CDKAL1: variants seen among roughly 807,000 people sequenced by gnomAD.
CDKAL1 encodes CDKAL1 threonylcarbamoyladenosine tRNA methylthiotransferase, also known as threonylcarbamoyladenosine tRNA methylthiotransferase.
In CDKAL1, 32 loss-of-function variants were observed where a neutral mutation model predicts 68.2. The observed-to-expected ratio is 0.47, with a 90% CI of 0.35 to 0.63. The LOEUF (loss-of-function observed/expected upper bound fraction) is 0.63. Ranked by LOEUF, CDKAL1 falls within the 30% of genes least tolerant of loss-of-function variation. The pLI is 0.00. For synonymous variants in CDKAL1, 234 were observed against 244.3 expected (o/e 0.96, Z 0.39); for missense variants, 606 against 696.7 (o/e 0.87, Z 1.47).
chr6:20,918,305 G>T (rs1031177932), intron 9 of CDKAL1, among the ~76,000 whole-genome samples: 1 of 152,164 alleles, frequency 6.6e-6, no homozygotes, highest in Non-Finnish European at 1.5e-5. Context: ...CCAGTCTAAG[G>T]TATTTTATTA....
intron 13 of CDKAL1, among the ~76,000 whole-genome samples, chr6:21,169,621 A>G (rs754131044): frequency 6.6e-6 from 1 of 152,184 alleles, no homozygotes; most frequent in Non-Finnish European, 1.5e-5. Context: ...TGGGTGACAG[A>G]GCGAGACTCT....
intron 7 of CDKAL1, among the ~76,000 whole-genome samples, chr6:20,772,562 A>G (rs747463434): frequency 1.3e-5 from 2 of 152,252 alleles, no homozygotes; most frequent in Non-Finnish European, 2.9e-5. Context: ...CATTTTGCTT[A>G]TGCAGATTAC....
chr6:21,067,945 TGTTA>T (rs1362658077), intron 12 of CDKAL1, among the ~76,000 whole-genome samples: 5 of 152,252 alleles, frequency 3.3e-5, no homozygotes, highest in Non-Finnish European at 7.3e-5. Flanking sequence ...TATATTTTCC[TGTTA>T]ATTAACCATT....
chr6:21,132,082 A>T (rs897885787), intron 13 of CDKAL1, among the ~76,000 whole-genome samples: 1 of 152,176 alleles, frequency 6.6e-6, no homozygotes, highest in Non-Finnish European at 1.5e-5. Context: ...TTGGATAAGC[A>T]TATAAATTTT....
intron 12 of CDKAL1, among the ~76,000 whole-genome samples, chr6:21,099,240 GTAAA>G (rs1773464993): frequency 6.6e-6 from 1 of 152,110 alleles, no homozygotes; most frequent in South Asian, 2.1e-4. Context: ...GGGCCACATA[GTAAA>G]TATTTTCAGC....
In CDKAL1 at chr6:21,144,000, A is replaced by AG. The variant is rs796936371; in HGVS notation, c.1299+35537_1299+35538insG. 2.8e-4 allele frequency among the ~76,000 whole-genome samples: 43 copies of AG among 151,966 alleles called. 1 individual carries two copies. The highest frequency in any genetic ancestry group is 1.0e-3 in the African/African-American group (43 of 41,392). Reference sequence around the variant, plus strand: ...AGGGAAGAGAGAGTTGGATGGTAAAAAAAAAACAGCACAATTTTAGTAGGT... The same window carrying AG: ...AGGGAAGAGAGAGTTGGATGGTAAAAGAAAAAACAGCACAATTTTAGTAGGT... On this transcript the variant is annotated intron_variant, in intron 13 of 15. Transcript: ENST00000274695.
At chr6:20,834,902 C>A (rs982613144) in intron 8 of CDKAL1, among the ~76,000 whole-genome samples, 15 of 152,092 alleles carry the variant, frequency 9.9e-5, no homozygotes, top group African/African-American at 3.6e-4. Context: ...CCTCTATCAC[C>A]CCATAGTGCC....
chr6:20,778,430 CAGTA>C (rs1775270473), intron 7 of CDKAL1, among the ~76,000 whole-genome samples: 1 of 152,146 alleles, frequency 6.6e-6, no homozygotes, highest in African/African-American at 2.4e-5. Context: ...TCTTACAACT[CAGTA>C]AGACAAATAC....
intron 8 of CDKAL1, among the ~76,000 whole-genome samples, chr6:20,796,908 A>G (rs1776132116): frequency 6.6e-6 from 1 of 152,248 alleles, no homozygotes; most frequent in Admixed American, 6.5e-5. Flanking sequence ...AATAAAAAAT[A>G]AGAGGTAAAA....
chr6:21,014,038 C>T (rs941545277), intron 11 of CDKAL1, among the ~76,000 whole-genome samples: 17 of 152,128 alleles, frequency 1.1e-4, no homozygotes, highest in African/African-American at 4.1e-4. Flanking sequence ...AATTCAACCT[C>T]CACGTCTGCA....
chr6:21,231,143 C>T lies in CDKAL1; in HGVS notation c.*104C>T. ...CATTCTCCAAGGGCAATAATTTGTA[C>T]TGGTCATGCTGCCTCCTTCTCAGCC... is the stretch of plus-strand genomic sequence containing the variant. On this transcript the variant is annotated 3_prime_UTR_variant, in exon 16 of 16. Coordinates refer to ENST00000274695, the MANE Select transcript of CDKAL1 (RefSeq NM_017774.3). The T allele has an allele frequency of 1.2e-6, 1 of 815,166 alleles. No homozygotes were observed. The highest frequency in any genetic ancestry group is 1.7e-5 in the African/African-American group (1 of 58,418). 50.5% of individuals were successfully genotyped at this position (815,166 alleles called of 1,614,324 possible).
intron 10 of CDKAL1, among the ~76,000 whole-genome samples, chr6:20,964,259 C>T (rs551775882): frequency 4.6e-5 from 7 of 152,162 alleles, no homozygotes; most frequent in Non-Finnish European, 7.3e-5. Flanking sequence ...GGAGATTTCT[C>T]AAAGACCTGA....
intron 5 of CDKAL1, among the ~76,000 whole-genome samples, chr6:20,704,186 A>C (rs1348057717): frequency 1.3e-5 from 2 of 152,200 alleles, no homozygotes; most frequent in Admixed American, 6.5e-5. Context: ...TTATCAAATT[A>C]CACCAAGTGC....
intron 7 of CDKAL1, among the ~76,000 whole-genome samples, chr6:20,780,788 C>T (rs543067598): frequency 6.6e-6 from 1 of 151,848 alleles, no homozygotes; most frequent in East Asian, 1.9e-4. Flanking sequence ...ATTCTCCTGC[C>T]TCAGCCTCCT....
intron 2 of CDKAL1, among the ~76,000 whole-genome samples, chr6:20,538,807 G>A (rs1763275911): frequency 6.6e-6 from 1 of 152,174 alleles, no homozygotes; most frequent in Non-Finnish European, 1.5e-5. Flanking sequence ...AGAATTTCCT[G>A]CTGTGTCATA....
At chr6:20,948,679 C>T (rs1764378246) in intron 9 of CDKAL1, among the ~76,000 whole-genome samples, 1 of 152,206 alleles carries the variant, frequency 6.6e-6, no homozygotes, top group Non-Finnish European at 1.5e-5. Flanking sequence ...TTACACCTCT[C>T]TCGACATCCT....
intron 13 of CDKAL1, among the ~76,000 whole-genome samples, chr6:21,114,208 A>G (rs896687935): frequency 2.7e-5 from 4 of 147,928 alleles, no homozygotes; most frequent in African/African-American, 7.5e-5. Context: ...AGATCTCGCC[A>G]CTGCACTCTG....
At chr6:20,561,420 C>T (rs1002863410) in intron 4 of CDKAL1, among the ~76,000 whole-genome samples, 4 of 116,202 alleles carry the variant, frequency 3.4e-5, no homozygotes, top group Non-Finnish European at 6.5e-5. Context: ...CCAGCCTGGG[C>T]GACAGAGCAA....
chr6:20,965,477 G>C (rs1391343040), intron 10 of CDKAL1, among the ~76,000 whole-genome samples: 1 of 151,750 alleles, frequency 6.6e-6, no homozygotes, highest in Non-Finnish European at 1.5e-5. Context: ...ATCTATCCTG[G>C]GTCATGTCTC....
Sources: gnomAD v4.1 joint callset for allele counts (sites outside exome capture counted in the v4.1 genomes callset) on GRCh38, gnomAD v4.1.1 for gene constraint, MANE v1.5 for transcripts, NCBI Gene and HGNC (gene_info 2026-07-23, HGNC 2026-07-21) for gene names.